The following RAP1GAP2 variants were observed in gnomAD, a reference collection of about 807,000 sequenced individuals.
The protein encoded by RAP1GAP2 is RAP1 GTPase activating protein 2, also known as rap1 GTPase-activating protein 2.
In RAP1GAP2, 27 loss-of-function variants were observed where a neutral mutation model predicts 95.0. That is an observed-to-expected ratio of 0.28 (90% CI 0.21 to 0.39). The LOEUF (loss-of-function observed/expected upper bound fraction) is 0.39. Ranked by LOEUF, RAP1GAP2 falls within the 10% of genes least tolerant of loss-of-function variation. The pLI, the probability that RAP1GAP2 is intolerant of heterozygous loss-of-function variation, is 1.00. For missense variants in RAP1GAP2, 771 were observed against 970.0 expected (o/e 0.79, Z 2.72); for synonymous variants, 373 against 380.9 (o/e 0.98, Z 0.24).
intron 3 of RAP1GAP2, among the ~76,000 whole-genome samples, chr17:2,946,927 G>C (rs193048851): frequency 2.0e-4 from 30 of 152,280 alleles, no homozygotes; most frequent in Admixed American, 1.4e-3. Context: ...GTTCATTTTT[G>C]TATTTTTAGT....
At chr17:2,833,246 G>A (rs533463809) in intron 2 of RAP1GAP2, among the ~76,000 whole-genome samples, 10 of 149,958 alleles carry the variant, frequency 6.7e-5, no homozygotes, top group South Asian at 2.2e-4. Flanking sequence ...GGGTTCAAGC[G>A]ATTCTCCTGC....
chr17:2,903,354 C>G lies in RAP1GAP2; in HGVS notation c.81-1930C>G, dbSNP rs1209979244. Among the ~76,000 whole-genome samples, 1 of 152,174 alleles carries G rather than the reference C, an allele frequency of 6.6e-6. No individual in the cohort carries two copies. The highest frequency in any genetic ancestry group is 2.4e-5 in the African/African-American group (1 of 41,428). On this transcript the variant is annotated intron_variant, in intron 2 of 24. Coordinates refer to ENST00000254695, the MANE Select transcript of RAP1GAP2 (RefSeq NM_015085.5). The surrounding 1 kb of genome is among the most constrained non-coding windows in gnomAD (Gnocchi z 4.1). ...CGGTGAGCCTGTGCTGGACCCAGCT[C>G]TGTTGTGCACACAGGCAGGTGAGTG...
At chr17:2,935,375 C>T (rs147549504) in intron 3 of RAP1GAP2, among the ~76,000 whole-genome samples, 50 of 152,176 alleles carry the variant, frequency 3.3e-4, no homozygotes, top group African/African-American at 1.1e-3. Context: ...GGTGTGGTGG[C>T]GGGTGCCTGT....
At chr17:2,771,082 AAAAC>A (rs920651339) in intron 2 of RAP1GAP2, among the ~76,000 whole-genome samples, 14 of 150,458 alleles carry the variant, frequency 9.3e-5, no homozygotes, top group African/African-American at 1.9e-4. Context: ...CAAACAACAT[AAAAC>A]AAACAAAAAA....
At chr17:2,993,161 G>A (rs1254144232) in intron 12 of RAP1GAP2, among the ~76,000 whole-genome samples, 1 of 150,662 alleles carries the variant, frequency 6.6e-6, no homozygotes, top group Admixed American at 6.6e-5. Context: ...GGCAGTGGTT[G>A]CAATGAGCTG....
At chr17:2,970,770 TG>T (rs2044832123) in intron 8 of RAP1GAP2, among the ~76,000 whole-genome samples, 1 of 152,218 alleles carries the variant, frequency 6.6e-6, no homozygotes, top group Admixed American at 6.5e-5. Context: ...CTAGGCACAG[TG>T]GCTCATGCCT....
chr17:2,976,127 G>A (rs2151522466), intron 8 of RAP1GAP2, among the ~76,000 whole-genome samples: 1 of 152,316 alleles, frequency 6.6e-6, no homozygotes, highest in South Asian at 2.1e-4. Flanking sequence ...GATAAACACT[G>A]AGTTATAGTG....
rs148210933 is a variant in RAP1GAP2, at chr17:2,766,088, C to T, written c.51-4241C>T. Among the ~76,000 whole-genome samples the T allele has an allele frequency of 7.0e-3, 1,067 of 152,284 alleles. 10 individuals carry two copies. Among genetic ancestry groups the T allele is most frequent in the Non-Finnish European group, 0.012 (814 of 68,006 alleles). On this transcript the variant is annotated intron_variant, in intron 1 of 25. Transcript: ENST00000637138. ...GTGGAGGAGAGTGGAAAGAGGCCGG[C>T]GAGGACAGATGCTGTGGTTGGGCGG...
At chr17:2,757,546 G>A (rs2071169889) in intron 1 of RAP1GAP2, among the ~76,000 whole-genome samples, 1 of 152,068 alleles carries the variant, frequency 6.6e-6, no homozygotes, top group African/African-American at 2.4e-5. Flanking sequence ...TGTGACCTAG[G>A]TCAGGTCAGT....
chr17:3,031,451 C>T (rs1377472101), intron 23 of RAP1GAP2, among the ~76,000 whole-genome samples: 1 of 151,824 alleles, frequency 6.6e-6, no homozygotes, highest in Non-Finnish European at 1.5e-5. Flanking sequence ...TCCAGACTAT[C>T]GAGAGCTCCA....
In RAP1GAP2 at chr17:2,909,093, C is replaced by G. The variant is rs1299993078; in HGVS notation, c.165+3725C>G. Among the ~76,000 whole-genome samples the G allele has an allele frequency of 2.6e-5, 4 of 152,122 alleles. No individual in the cohort carries two copies. The East Asian group carries it at 7.7e-4, about 29-fold the overall frequency. ...GAGGTAAACATCTGGGAGCCCTTCT[C>G]CTAGAGAAGGGAATGGAAGCTTTGG... On this transcript the variant is annotated intron_variant, in intron 3 of 24. Transcript: ENST00000254695.
At chr17:2,957,021 G>GGGAGGCTGA (rs2044136903) in intron 3 of RAP1GAP2, among the ~76,000 whole-genome samples, 1 of 151,942 alleles carries the variant, frequency 6.6e-6, no homozygotes, top group Admixed American at 6.6e-5. Flanking sequence ...CCAGCTACTC[G>GGGAGGCTGA]GGAGGCTGAG....
In RAP1GAP2 at chr17:2,903,333, G is replaced by A. The variant is rs553979920; in HGVS notation, c.81-1951G>A. On this transcript the variant is annotated intron_variant, in intron 2 of 24. Coordinates refer to ENST00000254695, the MANE Select transcript of RAP1GAP2 (RefSeq NM_015085.5). This position sits in a 1 kb window ranked among gnomAD's most constrained non-coding sequence, Gnocchi z 4.1. Reference sequence around the variant, plus strand: ...GAGAGGGCCAGGTGGAGGAGGCGGTGAGCCTGTGCTGGACCCAGCTCTGTT... The same window carrying A: ...GAGAGGGCCAGGTGGAGGAGGCGGTAAGCCTGTGCTGGACCCAGCTCTGTT... Among the ~76,000 whole-genome samples, 1 of 152,308 alleles carries A rather than the reference G, an allele frequency of 6.6e-6. No homozygotes were observed. The highest frequency in any genetic ancestry group is 2.1e-4 in the South Asian group (1 of 4,824).
chr17:2,955,671 T>G (rs1338523647), intron 3 of RAP1GAP2, among the ~76,000 whole-genome samples: 1 of 152,246 alleles, frequency 6.6e-6, no homozygotes, highest in African/African-American at 2.4e-5. Flanking sequence ...TGGGCTTTCC[T>G]TCGTGCGTCG....
At chr17:2,938,715 G>A (rs528244927) in intron 3 of RAP1GAP2, among the ~76,000 whole-genome samples, 2 of 152,202 alleles carry the variant, frequency 1.3e-5, no homozygotes, top group South Asian at 2.1e-4. Flanking sequence ...GGCTGGGTGC[G>A]GTGGCTTATG....
At chr17:2,762,209 G>A (rs1191959506) in intron 1 of RAP1GAP2, among the ~76,000 whole-genome samples, 2 of 151,032 alleles carry the variant, frequency 1.3e-5, no homozygotes, top group Non-Finnish European at 1.5e-5. Context: ...GGATGATCTC[G>A]ATCTCCTGAC....
intron 17 of RAP1GAP2, among the ~76,000 whole-genome samples, chr17:3,009,267 A>G (rs1366265010): frequency 6.6e-6 from 1 of 152,218 alleles, no homozygotes; most frequent in Non-Finnish European, 1.5e-5. Flanking sequence ...GTAAATGCTC[A>G]AAAATGTCAG....
chr17:2,980,448 G>C (rs1261538478), intron 9 of RAP1GAP2, 83 bp downstream of exon 9: 3 of 1,393,204 alleles, frequency 2.2e-6, no homozygotes, highest in African/African-American at 2.8e-5. Flanking sequence ...GGTATATCCT[G>C]GGTAGGCTCA....
chr17:2,993,891 A>G (rs143606752), intron 12 of RAP1GAP2, among the ~76,000 whole-genome samples: 41 of 151,914 alleles, frequency 2.7e-4, no homozygotes, highest in African/African-American at 9.9e-4. Flanking sequence ...GAAAAATTAT[A>G]AAAATTAGCT....
Sources: allele counts gnomAD v4.1 joint callset (sites outside exome capture counted in the v4.1 genomes callset), GRCh38; gene constraint gnomAD v4.1.1; non-coding constraint Gnocchi (gnomAD v3.1); transcripts MANE v1.5; gene names NCBI Gene and HGNC (gene_info 2026-07-23, HGNC 2026-07-21).